HMGB1: variants seen among roughly 807,000 people sequenced by gnomAD.
HMGB1 encodes high mobility group box 1.
For missense variants in HMGB1, 79 were observed against 253.5 expected (o/e 0.31, Z 4.67); for synonymous variants, 81 against 84.0 (o/e 0.96, Z 0.19).
At chr13:30,585,960 A>G (rs1289617580) in intron 1 of HMGB1, among the ~76,000 whole-genome samples, 1 of 152,082 alleles carries the variant, frequency 6.6e-6, no homozygotes, top group Non-Finnish European at 1.5e-5. Flanking sequence ...GCCCACTCCA[A>G]TCTGGCATCG....
intron 1 of HMGB1, among the ~76,000 whole-genome samples, chr13:30,613,716 C>A (rs1265943071): frequency 1.3e-5 from 2 of 152,096 alleles, no homozygotes; most frequent in African/African-American, 4.8e-5. Flanking sequence ...ATCTCATATG[C>A]TTACTTTAGA....
chr13:30,471,528 T>C (rs1163384915), intron 1 of HMGB1, among the ~76,000 whole-genome samples: 1 of 150,776 alleles, frequency 6.6e-6, no homozygotes, highest in African/African-American at 2.4e-5. Context: ...TTTTTTTTTG[T>C]ATTTTTAGTA....
At chr13:30,516,506 AT>A (rs558328631) in intron 1 of HMGB1, among the ~76,000 whole-genome samples, 8 of 152,228 alleles carry the variant, frequency 5.3e-5, no homozygotes, top group East Asian at 1.9e-4. Flanking sequence ...ATCACAGTGA[AT>A]TTTTTTTATA....
At chr13:30,541,924 G>A (rs1050725685) in intron 1 of HMGB1, 1 of 152,554 alleles carries the variant, frequency 6.6e-6, no homozygotes, top group Non-Finnish European at 1.5e-5. Context: ...TGCTGGTAAT[G>A]ACCTTGCCAT....
chr13:30,555,443 A>G lies in HMGB1; in HGVS notation c.-15+61228T>C, dbSNP rs555907574. ...ACTGCCATTCCTACTGTATTTTTAT[A>G]CTTTTTGGCAGCATTAAATATTTTT... On this transcript the variant is annotated intron_variant, in intron 1 of 4. Transcript: ENST00000405805. Among the ~76,000 whole-genome samples the G allele has an allele frequency of 3.9e-5, 6 of 152,216 alleles. 1 individual carries two copies. The South Asian group carries it at 1.2e-3, about 32-fold the overall frequency.
intron 1 of HMGB1, among the ~76,000 whole-genome samples, chr13:30,598,431 T>C (rs75728590): frequency 0.027 from 4,104 of 152,350 alleles, 87 homozygotes; most frequent in Non-Finnish European, 0.039. Flanking sequence ...TTATGTAAAG[T>C]GAATAACAGT....
At chr13:30,605,875 T>C (rs1314300794) in intron 1 of HMGB1, among the ~76,000 whole-genome samples, 1 of 152,212 alleles carries the variant, frequency 6.6e-6, no homozygotes, top group Non-Finnish European at 1.5e-5. Flanking sequence ...TACTGTGTAT[T>C]GTTTGAGGAT....
intron 1 of HMGB1, among the ~76,000 whole-genome samples, chr13:30,580,266 TAGCC>T (rs1209808251): frequency 1.3e-5 from 2 of 152,376 alleles, no homozygotes; most frequent in Admixed American, 6.5e-5. Flanking sequence ...TCTGCTTTGT[TAGCC>T]AGCAAATAGT....
intron 1 of HMGB1, among the ~76,000 whole-genome samples, chr13:30,491,402 G>A (rs1027784315): frequency 1.3e-5 from 2 of 152,208 alleles, no homozygotes; most frequent in Non-Finnish European, 2.9e-5. Flanking sequence ...CAAACCTTGA[G>A]GCTGGGCACG....
At chr13:30,491,722 A>C (rs947735989) in intron 1 of HMGB1, among the ~76,000 whole-genome samples, 1 of 152,186 alleles carries the variant, frequency 6.6e-6, no homozygotes, top group African/African-American at 2.4e-5. Flanking sequence ...TACATACAGA[A>C]ATCAACTCAA....
At chr13:30,533,396 A>T (rs1334723219) in intron 1 of HMGB1, among the ~76,000 whole-genome samples, 1 of 151,988 alleles carries the variant, frequency 6.6e-6, no homozygotes. Context: ...ACAGAGTCTC[A>T]CTCTGTCACC....
intron 1 of HMGB1, among the ~76,000 whole-genome samples, chr13:30,593,249 T>C: frequency 6.6e-6 from 1 of 152,206 alleles, no homozygotes; most frequent in African/African-American, 2.4e-5. Flanking sequence ...AAGCTGCTCC[T>C]GTCCTCTGTG....
intron 1 of HMGB1, among the ~76,000 whole-genome samples, chr13:30,524,338 A>T (rs1051891359): frequency 4.4e-4 from 15 of 34,440 alleles, no homozygotes; most frequent in South Asian, 3.0e-3. Flanking sequence ...AAAGTATATT[A>T]AAAAAAAAAA....
chr13:30,577,360 A>G (rs1040686514), intron 1 of HMGB1, among the ~76,000 whole-genome samples: 2 of 139,970 alleles, frequency 1.4e-5, no homozygotes, highest in African/African-American at 5.6e-5. Flanking sequence ...AAAAAAAAAA[A>G]GGCCATATAT....
At position 30,538,638 on chromosome 13, in the gene HMGB1, TC is replaced by T. The variant is rs1566019073; in HGVS notation, c.-14-74945del. On this transcript the variant is annotated intron_variant, in intron 1 of 4. Coordinates refer to the HMGB1 transcript ENST00000405805. ...CTTTCTCTCTCTCTTTCTTTTTCTT[TC>T]TTCCTTTCTTTCTTTCTTTCTTTCC... Among the ~76,000 whole-genome samples the T allele has an allele frequency of 1.3e-4, 16 of 121,426 alleles. No homozygotes were observed. The East Asian group carries it at 3.0e-3, about 23-fold the overall frequency. 79.7% of individuals were successfully genotyped at this position (121,426 alleles called of 152,430 possible).
chr13:30,577,934 T>C (rs541341841), intron 1 of HMGB1, among the ~76,000 whole-genome samples: 19 of 152,170 alleles, frequency 1.2e-4, no homozygotes, highest in Non-Finnish European at 2.4e-4. Flanking sequence ...CAAGCTTCCT[T>C]AGCATTTCTT....
intron 1 of HMGB1, chr13:30,539,641 G>A (rs1029087126): frequency 1.6e-5 from 5 of 307,342 alleles, no homozygotes; most frequent in African/African-American, 4.5e-5. Flanking sequence ...TGAGGGTCCT[G>A]AAAAGGATTG....
chr13:30,475,131 TC>T (rs1887056179), intron 1 of HMGB1, among the ~76,000 whole-genome samples: 2 of 68,288 alleles, frequency 2.9e-5, no homozygotes, highest in Non-Finnish European at 6.4e-5. Flanking sequence ...TCTCTCTCTC[TC>T]TCTCTCTTTT....
chr13:30,591,807 A>G (rs1018198154), intron 1 of HMGB1, among the ~76,000 whole-genome samples: 4 of 152,322 alleles, frequency 2.6e-5, no homozygotes, highest in African/African-American at 4.8e-5. Context: ...AAGACTACCT[A>G]GTCAACTCTT....
Sources: allele counts gnomAD v4.1 joint callset (sites outside exome capture counted in the v4.1 genomes callset), GRCh38; gene constraint gnomAD v4.1.1; transcripts MANE v1.5; gene names NCBI Gene and HGNC (gene_info 2026-07-23, HGNC 2026-07-21).